FAM210A: variants seen among roughly 807,000 people sequenced by gnomAD.
FAM210A encodes the protein family with sequence similarity 210 member A.
Under a neutral mutation model 25.3 loss-of-function variants are expected in FAM210A, and 13 were observed. That is an observed-to-expected ratio of 0.51 (90% confidence interval 0.33 to 0.82). FAM210A has a LOEUF of 0.82. Among genes scored for constraint, FAM210A ranks in the 40% least tolerant of loss-of-function variants. The pLI is 0.02. For missense variants in FAM210A, 319 were observed against 323.2 expected (o/e 0.99, Z 0.10); for synonymous variants, 125 against 118.7 (o/e 1.05, Z -0.35).
intron 1 of FAM210A, among the ~76,000 whole-genome samples, chr18:13,714,636 C>A (rs1459051275): frequency 6.6e-6 from 1 of 152,176 alleles, no homozygotes; most frequent in East Asian, 1.9e-4. Context: ...GCTATTCAGT[C>A]TTCTTTGACC....
intron 1 of FAM210A, among the ~76,000 whole-genome samples, chr18:13,691,106 T>C (rs2043640369): frequency 6.6e-6 from 1 of 152,006 alleles, no homozygotes; most frequent in South Asian, 2.1e-4. Flanking sequence ...CTACGTGACG[T>C]GTGCAAAAGC....
chr18:13,688,337 T>G (rs907049905), intron 1 of FAM210A, among the ~76,000 whole-genome samples: 1 of 152,228 alleles, frequency 6.6e-6, no homozygotes, highest in African/African-American at 2.4e-5. Context: ...GGCCCCATCC[T>G]GTGCCTACAA....
chr18:13,717,788 C>T lies in FAM210A; in HGVS notation c.-29+8541G>A, dbSNP rs544900327. On this transcript the variant is annotated intron_variant, in intron 1 of 3. Coordinates refer to ENST00000651643, the MANE Select transcript of FAM210A (RefSeq NM_152352.4). ...GGTTTAAAAAGCAGTCTAACAGGCT[C>T]GAGAAAAGACTTATGGTATAGTAGA... is the stretch of plus-strand genomic sequence containing the variant. Among the ~76,000 whole-genome samples the T allele has an allele frequency of 4.6e-5, 7 of 152,156 alleles. No individual in the cohort carries two copies. The South Asian group carries it at 1.2e-3, about 27-fold the overall frequency.
chr18:13,675,302 C>T (rs1171272028), intron 2 of FAM210A, among the ~76,000 whole-genome samples: 1 of 107,868 alleles, frequency 9.3e-6, no homozygotes, highest in Non-Finnish European at 2.0e-5. Flanking sequence ...TCCTGAGACC[C>T]GACTTCATTT....
intron 2 of FAM210A, among the ~76,000 whole-genome samples, chr18:13,673,402 A>T (rs1352608369): frequency 6.7e-6 from 1 of 150,174 alleles, no homozygotes; most frequent in Non-Finnish European, 1.5e-5. Context: ...TTTCCTGATT[A>T]TTAACATTCC....
chr18:13,671,755 T>G, intron 3 of FAM210A, 107 bp downstream of exon 3: 1 of 670,870 alleles, frequency 1.5e-6, no homozygotes. Flanking sequence ...AAATACAGCG[T>G]TTCAAGTTAC....
At chr18:13,679,464 A>G (rs1365341230) in intron 2 of FAM210A, among the ~76,000 whole-genome samples, 1 of 152,130 alleles carries the variant, frequency 6.6e-6, no homozygotes. Context: ...CATGAATTTG[A>G]TTTTTTTAAG....
chr18:13,683,709 C>G (rs1228892205), intron 1 of FAM210A, among the ~76,000 whole-genome samples: 1 of 152,024 alleles, frequency 6.6e-6, no homozygotes, highest in Non-Finnish European at 1.5e-5. Flanking sequence ...TCAGGTGGTA[C>G]CACACATGCC....
At chr18:13,720,099 A>G (rs1033592365) in intron 1 of FAM210A, among the ~76,000 whole-genome samples, 1 of 152,204 alleles carries the variant, frequency 6.6e-6, no homozygotes, top group Non-Finnish European at 1.5e-5. Context: ...TAGAGTTTCT[A>G]TTAAGCCCAG....
intron 3 of FAM210A, among the ~76,000 whole-genome samples, chr18:13,669,974 A>G (rs1479492549): frequency 1.3e-5 from 2 of 152,192 alleles, no homozygotes; most frequent in African/African-American, 4.8e-5. Context: ...AATCCCCTCC[A>G]TATCTCCTAC....
chr18:13,680,079 G>A (rs1484281120), intron 2 of FAM210A, among the ~76,000 whole-genome samples: 1 of 152,178 alleles, frequency 6.6e-6, no homozygotes, highest in Non-Finnish European at 1.5e-5. Context: ...GCAACCTGAC[G>A]AGGGCAAAAG....
intron 1 of FAM210A, among the ~76,000 whole-genome samples, chr18:13,698,577 C>A (rs1204602684): frequency 6.6e-6 from 1 of 152,076 alleles, no homozygotes; most frequent in Non-Finnish European, 1.5e-5. Flanking sequence ...CGCCATTTTG[C>A]AGACCTTGGT....
chr18:13,670,121 G>A (rs1246413790), intron 3 of FAM210A, among the ~76,000 whole-genome samples: 3 of 151,938 alleles, frequency 2.0e-5, no homozygotes, highest in African/African-American at 7.3e-5. Flanking sequence ...ATAATACCAG[G>A]TGCAGTGAAA....
At chr18:13,699,711 C>T (rs1601959362) in intron 1 of FAM210A, among the ~76,000 whole-genome samples, 1 of 139,832 alleles carries the variant, frequency 7.2e-6, no homozygotes, top group African/African-American at 2.7e-5. Context: ...TTAGCCTTCT[C>T]CTTATCAGTA....
chr18:13,675,894 T>G (rs1280014256), intron 2 of FAM210A, among the ~76,000 whole-genome samples: 4 of 89,014 alleles, frequency 4.5e-5, no homozygotes, highest in Non-Finnish European at 9.4e-5. Flanking sequence ...CTGGCTTCTT[T>G]ATTTCCAGTT....
intron 2 of FAM210A, among the ~76,000 whole-genome samples, chr18:13,675,975 GTGGTA>G (rs1212253887): frequency 4.5e-5 from 2 of 44,494 alleles, no homozygotes; most frequent in Non-Finnish European, 8.6e-5. Flanking sequence ...TTCCTGAGCC[GTGGTA>G]ACTTCTTTAT....
intron 1 of FAM210A, among the ~76,000 whole-genome samples, chr18:13,705,321 T>C (rs148063293): frequency 5.3e-5 from 8 of 152,330 alleles, no homozygotes; most frequent in African/African-American, 1.9e-4. Context: ...TAATTAAGCA[T>C]GGACACATGG....
intron 1 of FAM210A, among the ~76,000 whole-genome samples, chr18:13,701,065 A>C (rs942648164): frequency 3.9e-5 from 6 of 152,178 alleles, no homozygotes; most frequent in Non-Finnish European, 5.9e-5. Flanking sequence ...AACTCCTTTA[A>C]ATGTAATCCA....
chr18:13,707,902 T>C (rs1354258163), intron 1 of FAM210A, among the ~76,000 whole-genome samples: 2 of 152,216 alleles, frequency 1.3e-5, no homozygotes, highest in African/African-American at 4.8e-5. Flanking sequence ...TTCCCTTTTT[T>C]TTTTTGTCTA....
Sources: gnomAD v4.1 joint callset for allele counts (sites outside exome capture counted in the v4.1 genomes callset) on GRCh38, gnomAD v4.1.1 for gene constraint, MANE v1.5 for transcripts, NCBI Gene and HGNC (gene_info 2026-07-23, HGNC 2026-07-21) for gene names.